The following ALDOB variants were observed in gnomAD, a reference collection of about 807,000 sequenced individuals.
ALDOB encodes aldolase, fructose-bisphosphate B, also known as fructose-bisphosphate aldolase B.
A neutral mutation model predicts 41.0 loss-of-function variants in ALDOB; 39 were observed. The observed-to-expected ratio is 0.95, with a 90% CI of 0.74 to 1.24. The LOEUF (loss-of-function observed/expected upper bound fraction) is 1.24. Ranked by LOEUF, ALDOB falls within the 50% of genes most tolerant of loss-of-function variation. The probability of loss-of-function intolerance (pLI) is 0.00; values close to 1 mark genes in which losing one functional copy is unlikely to be tolerated. For synonymous variants in ALDOB, 175 were observed against 168.8 expected (o/e 1.04, Z -0.28); for missense variants, 530 against 457.3 (o/e 1.16, Z -1.45).
At position 101,428,538 on chromosome 9, in the gene ALDOB, A is replaced by G. The variant is rs1447044571; in HGVS notation, c.325-15T>C. On this transcript the variant is annotated splice_polypyrimidine_tract_variant and intron_variant, in intron 3 of 8. Coordinates refer to ENST00000647789, the MANE Select transcript of ALDOB (RefSeq NM_000035.4). ...CCTTGGTCTAACTGTGGATACAAAT[A>G]ATTAACAGGTGTCAGATGTCAGGAA... 6.2e-7 allele frequency: 1 copy of G among 1,608,480 alleles called. No individual in the cohort carries two copies. Among genetic ancestry groups the G allele is most frequent in the Non-Finnish European group, 8.5e-7 (1 of 1,174,756 alleles).
intron 8 of ALDOB, among the ~76,000 whole-genome samples, chr9:101,423,493 C>G (rs767814413): frequency 1.3e-5 from 2 of 152,200 alleles, no homozygotes; most frequent in Non-Finnish European, 2.9e-5. Context: ...TAGCAAGTTC[C>G]TTTAACTGCT....
intron 1 of ALDOB, among the ~76,000 whole-genome samples, chr9:101,431,370 AC>A (rs1407346264): frequency 6.6e-6 from 1 of 152,250 alleles, no homozygotes; most frequent in Non-Finnish European, 1.5e-5. Context: ...TCTCCAGGAA[AC>A]AAACTTGAAA....
At chr9:101,428,427 G>A (rs1831161189) in intron 4 of ALDOB, 42 bp downstream of exon 4, 1 of 1,572,866 alleles carries the variant, frequency 6.4e-7, no homozygotes, top group African/African-American at 1.4e-5. Flanking sequence ...TTCATTTCTA[G>A]CTTACACTGG....
At chr9:101,433,937 T>A (rs1831256398) in intron 1 of ALDOB, among the ~76,000 whole-genome samples, 1 of 151,798 alleles carries the variant, frequency 6.6e-6, no homozygotes, top group African/African-American at 2.4e-5. Flanking sequence ...CCCAGCTATT[T>A]TTTTTTTTAT....
At chr9:101,426,405 T>TG in intron 6 of ALDOB, 150 bp downstream of exon 6, 6 of 653,426 alleles carry the variant, frequency 9.2e-6, no homozygotes, top group Non-Finnish European at 1.7e-5. Context: ...GCCAAAAAGG[T>TG]GAAGGGCTGA....
intron 8 of ALDOB, among the ~76,000 whole-genome samples, chr9:101,422,976 C>T (rs578597): frequency 0.45 from 68,951 of 151,992 alleles, 15,967 homozygotes; most frequent in South Asian, 0.56. Context: ...GAAGCACCAT[C>T]CTTGATGATA....
At chr9:101,434,088 A>G (rs1341752447) in intron 1 of ALDOB, among the ~76,000 whole-genome samples, 2 of 152,212 alleles carry the variant, frequency 1.3e-5, no homozygotes, top group Non-Finnish European at 2.9e-5. Flanking sequence ...CATTTTATAC[A>G]TTCTTTATCA....
Position 101,427,484 on chromosome 9 carries a change from G to T in ALDOB, c.538C>A (p.Gln180Lys), listed in dbSNP as rs574635615. The T allele has an allele frequency of 1.8e-4, 289 of 1,614,186 alleles. 6 individuals are homozygous for T. In the South Asian group the frequency reaches 3.0e-3, roughly 17 times the overall value. Reference protein sequence around the residue: ...ALARYASICQQNGLVPIVEPE... With the variant: ...ALARYASICQKNGLVPIVEPE... ...AGCCCAAGGGGAAGGCAGAGCACCT[G>T]CTGACAGATGCTGGCGTAGCGAGCC... The change falls in exon 5 of 9, where the codon CAG becomes AAG. Residue 180 changes from glutamine (Q) to lysine (K), a missense_variant and splice_region_variant. By Grantham distance (53) the Gln-to-Lys change is moderately conservative. Coordinates refer to ENST00000647789, the MANE Select transcript of ALDOB (RefSeq NM_000035.4).
At chr9:101,429,644 A>T in intron 3 of ALDOB, 111 bp downstream of exon 3, 1 of 1,045,686 alleles carries the variant, frequency 9.6e-7, no homozygotes. Flanking sequence ...GAAAAGGGTG[A>T]GAAGAGAAAT....
chr9:101,426,934 A>T (rs1249618454), intron 5 of ALDOB, among the ~76,000 whole-genome samples: 3 of 152,256 alleles, frequency 2.0e-5, no homozygotes. Context: ...GTTAATGAAG[A>T]AATTCAAGCA....
At chr9:101,425,826 T>A (rs1045119481) in intron 6 of ALDOB, among the ~76,000 whole-genome samples, 199 bp from the exon 7 acceptor site, 1 of 152,198 alleles carries the variant, frequency 6.6e-6, no homozygotes. Context: ...AACTGGCCTG[T>A]CTTCATCACC....
At position 101,427,567 on chromosome 9, in the gene ALDOB, A is replaced by G. The variant is rs758921815; in HGVS notation, c.455T>C (p.Leu152Pro). Residue 152 changes from leucine to proline, a missense_variant, in exon 5 of 9, where the codon CTG becomes CCG. Leu to Pro is a moderately conservative substitution (Grantham distance 98). Transcript: ENST00000647789. ...GVDFGKWRAV[L>P]RIADQCPSSL... ...GGATGGACACTGGTCGGCAATCCTC[A>G]GCACAGCACGCCACTTCCCAAAGTC... 1 of 1,614,202 alleles carries G rather than the reference A, an allele frequency of 6.2e-7. No individual in the cohort carries two copies. Among genetic ancestry groups the G allele is most frequent in the Admixed American group, 1.7e-5 (1 of 60,026 alleles).
In ALDOB at chr9:101,427,526, C is replaced by T. The variant is rs1028676017; in HGVS notation, c.496G>A (p.Glu166Lys). 3.1e-6 allele frequency: 5 copies of T among 1,614,178 alleles called. No individual in the cohort carries two copies. The Admixed American group carries it at 8.3e-5, about 27-fold the overall frequency. ...DQCPSSLAIQ[E>K]NANALARYAS... ...TAGCGAGCCAGGGCGTTGGCGTTTT[C>T]CTGGATAGCGAGGCTGGATGGACAC... Residue 166 changes from glutamate to lysine, a missense_variant, in exon 5 of 9, where the codon GAA becomes AAA. Coordinates refer to ENST00000647789, the MANE Select transcript of ALDOB (RefSeq NM_000035.4).
chr9:101,427,514 C>A lies in ALDOB; in HGVS notation c.508G>T (p.Ala170Ser). The A allele has an allele frequency of 1.2e-6, 2 of 1,614,184 alleles. No individual in the cohort carries two copies. Among genetic ancestry groups the A allele is most frequent in the Non-Finnish European group, 8.5e-7 (1 of 1,180,040 alleles). Residue 170 changes from alanine to serine, a missense_variant, in exon 5 of 9, where the codon GCC becomes TCC. By Grantham distance (99) the Ala-to-Ser change is moderately conservative. Transcript: ENST00000647789. ...CAGATGCTGGCGTAGCGAGCCAGGG[C>A]GTTGGCGTTTTCCTGGATAGCGAGG... ...SSLAIQENAN[A>S]LARYASICQQ... is the part of the protein sequence containing the mutation.
chr9:101,429,872 G>A lies in ALDOB; in HGVS notation c.207C>T (p.Ser69=), dbSNP rs779129856. The A allele has an allele frequency of 1.1e-5, 18 of 1,614,114 alleles. No homozygotes were observed. The South Asian group carries it at 1.9e-4, about 17-fold the overall frequency. The part of the protein sequence containing the change: ...FREILFSVDS[S]INQSIGGVIL... ...TCACACCCCCGATGCTCTGGTTGAT[G>A]GAACTGTCCACAGAGAAGAGGATTT... Residue 69 remains serine (S), a synonymous_variant, in exon 3 of 9, where the codon TCC becomes TCT. Coordinates refer to ENST00000647789, the MANE Select transcript of ALDOB (RefSeq NM_000035.4).
chr9:101,428,253 T>A (rs1395023587), intron 4 of ALDOB, among the ~76,000 whole-genome samples: 1 of 152,150 alleles, frequency 6.6e-6, no homozygotes, highest in Non-Finnish European at 1.5e-5. Flanking sequence ...TTTTGAGAAA[T>A]CCCCATTTTG....
chr9:101,431,393 T>C (rs187525712), intron 1 of ALDOB, among the ~76,000 whole-genome samples: 1 of 152,364 alleles, frequency 6.6e-6, no homozygotes, highest in East Asian at 1.9e-4. Flanking sequence ...GAGAAATCTA[T>C]ACATAGTCTT....
Position 101,430,170 on chromosome 9 carries a change from G to A in ALDOB, c.113-204C>T, listed in dbSNP as rs1588172480. ...TGGCTAGTTAGGGAGTATGTGGGCT[G>A]GGCATATAGAGGTCAGGGTGGAAGC... On this transcript the variant is annotated intron_variant, in intron 2 of 8. Coordinates refer to ENST00000647789, the MANE Select transcript of ALDOB (RefSeq NM_000035.4). Among the ~76,000 whole-genome samples the A allele has an allele frequency of 2.6e-5, 4 of 152,264 alleles. No homozygotes were observed. In the South Asian group the frequency reaches 8.3e-4, roughly 32 times the overall value.
chr9:101,425,346 G>T, intron 7 of ALDOB, 107 bp downstream of exon 7: 1 of 1,353,290 alleles, frequency 7.4e-7, no homozygotes, highest in Non-Finnish European at 1.0e-6. Context: ...TGAGATAACA[G>T]AGGTTTGTTT....
Sources: allele counts gnomAD v4.1 joint callset (sites outside exome capture counted in the v4.1 genomes callset), GRCh38; gene constraint gnomAD v4.1.1; transcripts MANE v1.5; gene names NCBI Gene and HGNC (gene_info 2026-07-23, HGNC 2026-07-21).